ELMO1: variants seen among roughly 807,000 people sequenced by gnomAD.
The protein encoded by ELMO1 is engulfment and cell motility protein 1.
Under a neutral mutation model 98.9 loss-of-function variants are expected in ELMO1, and 26 were observed. The observed-to-expected ratio is 0.26, with a 90% CI of 0.19 to 0.36. ELMO1 has a LOEUF of 0.36. ELMO1 is among the 10% of genes least tolerant of loss of function. The pLI is 1.00. For missense variants in ELMO1, 627 were observed against 935.2 expected (o/e 0.67, Z 4.30); for synonymous variants, 346 against 346.0 (o/e 1.00, Z 0.00).
intron 16 of ELMO1, among the ~76,000 whole-genome samples, chr7:36,949,048 G>A (rs1787750516): frequency 6.6e-6 from 1 of 152,190 alleles, no homozygotes; most frequent in East Asian, 1.9e-4. Flanking sequence ...TAGAGAAGGG[G>A]TTTCACCATG....
At chr7:37,000,752 G>C (rs1338981929) in intron 16 of ELMO1, among the ~76,000 whole-genome samples, 1 of 152,022 alleles carries the variant, frequency 6.6e-6, no homozygotes, top group African/African-American at 2.4e-5. Context: ...CAGCCATCCT[G>C]GGAAAGAACA....
intron 15 of ELMO1, among the ~76,000 whole-genome samples, chr7:37,051,391 T>A (rs1796104083): frequency 6.6e-6 from 1 of 152,214 alleles, no homozygotes; most frequent in Non-Finnish European, 1.5e-5. Context: ...GACTAATAAA[T>A]CTTAACCTGA....
intron 1 of ELMO1, among the ~76,000 whole-genome samples, chr7:37,403,505 G>GT (rs1390714152): frequency 6.6e-6 from 1 of 152,108 alleles, no homozygotes; most frequent in Non-Finnish European, 1.5e-5. Context: ...GTATGATATT[G>GT]TAACAGTAGC....
intron 13 of ELMO1, among the ~76,000 whole-genome samples, chr7:37,193,542 G>A (rs1041505463): frequency 5.3e-5 from 8 of 152,164 alleles, no homozygotes; most frequent in Non-Finnish European, 1.0e-4. Flanking sequence ...CACCACTCGG[G>A]GGGCTCCCTG....
At chr7:37,147,352 G>A (rs955575059) in intron 13 of ELMO1, among the ~76,000 whole-genome samples, 15 of 151,994 alleles carry the variant, frequency 9.9e-5, no homozygotes, top group Admixed American at 4.6e-4. Context: ...TAACACTTCC[G>A]CTCATCTCTC....
At chr7:37,265,442 C>T (rs1386420866) in intron 5 of ELMO1, among the ~76,000 whole-genome samples, 1 of 152,128 alleles carries the variant, frequency 6.6e-6, no homozygotes, top group African/African-American at 2.4e-5. Flanking sequence ...AGTTTCCCTA[C>T]AGCTACTTCC....
chr7:37,270,336 T>C (rs1796488487), intron 5 of ELMO1: 1 of 152,224 alleles, frequency 6.6e-6, no homozygotes, highest in South Asian at 2.1e-4. Context: ...TCACTGTTTT[T>C]AGGTTCAGGA....
intron 20 of ELMO1, among the ~76,000 whole-genome samples, chr7:36,864,672 G>A (rs146165897): frequency 1.3e-5 from 2 of 152,206 alleles, no homozygotes; most frequent in African/African-American, 4.8e-5. Context: ...GGGAGAAGGC[G>A]CCAGGTGGTG....
chr7:37,296,413 C>T (rs990161492), intron 4 of ELMO1, among the ~76,000 whole-genome samples: 1 of 152,182 alleles, frequency 6.6e-6, no homozygotes, highest in Non-Finnish European at 1.5e-5. Context: ...AATGCTTCAC[C>T]TTCTTTTAAA....
chr7:37,071,270 T>C (rs1797253735), intron 15 of ELMO1, among the ~76,000 whole-genome samples: 2 of 152,172 alleles, frequency 1.3e-5, no homozygotes, highest in Non-Finnish European at 2.9e-5. Context: ...AAGCTACACA[T>C]TGTAGGGTTC....
intron 13 of ELMO1, among the ~76,000 whole-genome samples, chr7:37,140,015 T>C (rs1261148486): frequency 1.3e-5 from 2 of 152,056 alleles, no homozygotes; most frequent in African/African-American, 4.8e-5. Flanking sequence ...GCAAGCCACA[T>C]GTAGAAGAAT....
chr7:37,309,371 G>C (rs1044430905), intron 4 of ELMO1, among the ~76,000 whole-genome samples: 2 of 152,118 alleles, frequency 1.3e-5, no homozygotes, highest in African/African-American at 4.8e-5. Flanking sequence ...CAACACGTGG[G>C]AATTATGAGA....
intron 8 of ELMO1, among the ~76,000 whole-genome samples, chr7:37,225,437 C>A (rs959903006): frequency 2.6e-5 from 4 of 152,154 alleles, no homozygotes; most frequent in Non-Finnish European, 5.9e-5. Context: ...CCAGGCTACT[C>A]CTTCATCCAC....
At chr7:37,393,731 G>A (rs1803176622) in intron 1 of ELMO1, 1 of 152,066 alleles carries the variant, frequency 6.6e-6, no homozygotes, top group Non-Finnish European at 1.5e-5. Context: ...GCCTGGTTTT[G>A]GTTTATCCAA....
At chr7:37,082,473 G>A (rs1050609646) in intron 15 of ELMO1, among the ~76,000 whole-genome samples, 4 of 152,160 alleles carry the variant, frequency 2.6e-5, no homozygotes, top group Non-Finnish European at 5.9e-5. Context: ...GGAGGCCAGA[G>A]CAGTCAGCTT....
chr7:37,065,876 T>C (rs1446409770), intron 15 of ELMO1, among the ~76,000 whole-genome samples: 2 of 152,176 alleles, frequency 1.3e-5, no homozygotes, highest in Admixed American at 6.5e-5. Flanking sequence ...GGTTTGGCTG[T>C]GTCCCCACCC....
intron 16 of ELMO1, among the ~76,000 whole-genome samples, chr7:36,987,397 T>TTAA: frequency 6.6e-6 from 1 of 152,262 alleles, no homozygotes; most frequent in South Asian, 2.1e-4. Context: ...GCGGAAGCCC[T>TTAA]CAGTTCCACA....
intron 6 of ELMO1, among the ~76,000 whole-genome samples, chr7:37,258,521 G>A (rs1328460178): frequency 6.6e-6 from 1 of 152,116 alleles, no homozygotes; most frequent in Non-Finnish European, 1.5e-5. Context: ...ACACGCAATA[G>A]AATTCTGCCC....
intron 15 of ELMO1, among the ~76,000 whole-genome samples, chr7:37,061,549 T>A (rs1389362685): frequency 6.6e-6 from 1 of 152,042 alleles, no homozygotes; most frequent in Non-Finnish European, 1.5e-5. Context: ...GTGGCCACCA[T>A]ATACAAAACA....
Sources: gnomAD v4.1 joint callset for allele counts (sites outside exome capture counted in the v4.1 genomes callset) on GRCh38, gnomAD v4.1.1 for gene constraint, MANE v1.5 for transcripts, NCBI Gene and HGNC (gene_info 2026-07-23, HGNC 2026-07-21) for gene names.